RPS6KC1: variants seen among roughly 807,000 people sequenced by gnomAD.
The protein encoded by RPS6KC1 is ribosomal protein S6 kinase C1, also known as inactive ribosomal protein S6 kinase delta-1.
Under a neutral mutation model 103.8 loss-of-function variants are expected in RPS6KC1, and 54 were observed. That is an observed-to-expected ratio of 0.52 (90% CI 0.42 to 0.65). The LOEUF is 0.65. RPS6KC1 is among the 30% of genes least tolerant of loss of function. RPS6KC1 has a pLI of 0.00. For missense variants in RPS6KC1, 1,151 were observed against 1,253.8 expected (o/e 0.92, Z 1.24); for synonymous variants, 439 against 438.7 (o/e 1.00, Z -0.01).
chr1:213,737,985 G>A, the RPS6KC1 span, among the ~76,000 whole-genome samples: 1 of 152,166 alleles, frequency 6.6e-6, no homozygotes, highest in African/African-American at 2.4e-5. Flanking sequence ...GTTCTAAATA[G>A]GGTAGTGAAT....
the RPS6KC1 span, among the ~76,000 whole-genome samples, chr1:213,759,005 A>G: frequency 1.3e-5 from 2 of 152,352 alleles, no homozygotes; most frequent in East Asian, 1.9e-4. Flanking sequence ...TGTGCATAAA[A>G]TGCTATCAAA....
At chr1:213,841,324 G>C in the RPS6KC1 span, 1 of 152,134 alleles carries the variant, frequency 6.6e-6, no homozygotes, top group Non-Finnish European at 1.5e-5. Flanking sequence ...TGGAGGAGAT[G>C]CTTCTTAATG....
the RPS6KC1 span, among the ~76,000 whole-genome samples, chr1:213,757,789 CG>C: frequency 2.0e-5 from 3 of 152,144 alleles, no homozygotes; most frequent in African/African-American, 7.2e-5. Flanking sequence ...CTTCAAAGGA[CG>C]GGCTGACTCT....
the RPS6KC1 span, among the ~76,000 whole-genome samples, chr1:213,489,564 A>G: frequency 6.6e-6 from 1 of 152,222 alleles, no homozygotes; most frequent in African/African-American, 2.4e-5. Flanking sequence ...ATAACACACC[A>G]TCCTCACTTT....
the RPS6KC1 span, among the ~76,000 whole-genome samples, chr1:213,691,173 C>G: frequency 9.9e-5 from 15 of 152,212 alleles, no homozygotes; most frequent in Non-Finnish European, 2.1e-4. Flanking sequence ...GGGCCACCCC[C>G]AAGGTACCCT....
the RPS6KC1 span, among the ~76,000 whole-genome samples, chr1:213,502,350 A>G: frequency 1.9e-4 from 29 of 152,340 alleles, 1 homozygote; most frequent in South Asian, 5.4e-3. Context: ...TAAGACAAAG[A>G]TAATATCCTT....
the RPS6KC1 span, among the ~76,000 whole-genome samples, chr1:213,630,372 G>A: frequency 0.011 from 1,698 of 152,036 alleles, 19 homozygotes; most frequent in Non-Finnish European, 0.016. Context: ...TGATCAAATC[G>A]GCTACTGAGG....
At chr1:213,177,672 G>T (rs543682148) in intron 8 of RPS6KC1, among the ~76,000 whole-genome samples, 3 of 151,966 alleles carry the variant, frequency 2.0e-5, no homozygotes, top group Admixed American at 6.5e-5. Flanking sequence ...GTTTTCTGTG[G>T]CTTTTCCAGT....
chr1:213,463,707 G>T, the RPS6KC1 span, among the ~76,000 whole-genome samples: 11 of 152,076 alleles, frequency 7.2e-5, no homozygotes, highest in Non-Finnish European at 1.3e-4. Flanking sequence ...GCAATTTTAT[G>T]CTGAGTTTTT....
At chr1:213,313,344 T>A in the RPS6KC1 span, among the ~76,000 whole-genome samples, 3 of 147,844 alleles carry the variant, frequency 2.0e-5, no homozygotes, top group African/African-American at 7.5e-5. Context: ...GTGTGTGGGT[T>A]TTTTTTTTTA....
chr1:213,604,757 A>T, the RPS6KC1 span, among the ~76,000 whole-genome samples: 1 of 152,136 alleles, frequency 6.6e-6, no homozygotes, highest in Non-Finnish European at 1.5e-5. Flanking sequence ...CCAAATCCTT[A>T]GATCTTGATG....
the RPS6KC1 span, among the ~76,000 whole-genome samples, chr1:213,798,589 C>T: frequency 2.0e-5 from 3 of 152,186 alleles, no homozygotes; most frequent in African/African-American, 7.2e-5. Flanking sequence ...CCTCCAGGGC[C>T]CCTCCCACTT....
the RPS6KC1 span, among the ~76,000 whole-genome samples, chr1:213,694,151 C>T: frequency 7.2e-5 from 11 of 152,238 alleles, no homozygotes; most frequent in East Asian, 1.9e-4. Flanking sequence ...TTGCCTCAAA[C>T]TTATCTCCTG....
chr1:213,517,206 C>CG, the RPS6KC1 span, among the ~76,000 whole-genome samples: 2 of 148,812 alleles, frequency 1.3e-5, no homozygotes, highest in South Asian at 2.2e-4. Flanking sequence ...TTTTTTGAAG[C>CG]ATTTTTTGTG....
chr1:213,764,711 G>A, the RPS6KC1 span, among the ~76,000 whole-genome samples: 8 of 152,140 alleles, frequency 5.3e-5, no homozygotes, highest in Non-Finnish European at 1.2e-4. Flanking sequence ...GGCAACCCCA[G>A]GTGCAAGCTG....
the RPS6KC1 span, among the ~76,000 whole-genome samples, chr1:213,299,971 A>C: frequency 3.0e-4 from 45 of 151,862 alleles, no homozygotes; most frequent in African/African-American, 1.0e-3. Context: ...CGCCCGGCTA[A>C]TTTTTTTGTA....
the RPS6KC1 span, among the ~76,000 whole-genome samples, chr1:213,304,224 A>T: frequency 2.0e-5 from 3 of 151,074 alleles, no homozygotes; most frequent in East Asian, 5.8e-4. Flanking sequence ...AAAAAAAAAA[A>T]AAGAAGGTAT....
chr1:213,495,651 GA>G, the RPS6KC1 span, among the ~76,000 whole-genome samples: 1 of 152,150 alleles, frequency 6.6e-6, no homozygotes, highest in African/African-American at 2.4e-5. Flanking sequence ...ATGGGGAGCA[GA>G]AGGACAGAGA....
the RPS6KC1 span, among the ~76,000 whole-genome samples, chr1:213,541,575 A>T: frequency 1.5e-3 from 222 of 152,332 alleles, no homozygotes; most frequent in African/African-American, 5.3e-3. Context: ...TACTGATTAA[A>T]AAAAAATCCA....
Sources: allele counts gnomAD v4.1 joint callset (sites outside exome capture counted in the v4.1 genomes callset), GRCh38; gene constraint gnomAD v4.1.1; transcripts MANE v1.5; gene names NCBI Gene and HGNC (gene_info 2026-07-23, HGNC 2026-07-21).